DOCK3: variants seen among roughly 807,000 people sequenced by gnomAD.
DOCK3 encodes dedicator of cytokinesis 3, also known as dedicator of cytokinesis protein 3.
In DOCK3, 60 loss-of-function variants were observed where a neutral mutation model predicts 265.6. The observed-to-expected ratio is 0.23, with a 90% confidence interval of 0.18 to 0.28. DOCK3 has a LOEUF of 0.28. Among genes scored for constraint, DOCK3 ranks in the 10% least tolerant of loss-of-function variants. DOCK3 has a pLI of 1.00. For synonymous variants in DOCK3, 881 were observed against 938.0 expected (o/e 0.94, Z 1.11); for missense variants, 1,981 against 2,594.3 (o/e 0.76, Z 5.14).
rs182737860 is a variant in DOCK3 at position 50,962,016 on chromosome 3, A to G, written c.315+27939A>G. Among the ~76,000 whole-genome samples the G allele has an allele frequency of 3.8e-3, 573 of 151,188 alleles. 5 individuals are homozygous for G. In the Middle Eastern group the frequency reaches 0.038, roughly 10 times the overall value. On this transcript the variant is annotated intron_variant, in intron 5 of 52. Coordinates refer to ENST00000266037, the MANE Select transcript of DOCK3 (RefSeq NM_004947.5). The stretch of plus-strand genomic sequence containing the variant: ...ATGAACCACTTTTTTTTTTTAATAT[A>G]TATGCTTTAAATTCTGGGATACATG...
chr3:51,083,447 A>G (rs528611502), intron 7 of DOCK3, among the ~76,000 whole-genome samples: 1 of 152,336 alleles, frequency 6.6e-6, no homozygotes, highest in African/African-American at 2.4e-5. Flanking sequence ...AACAGATCCC[A>G]TAGAAAAGAA....
intron 1 of DOCK3, among the ~76,000 whole-genome samples, chr3:50,753,191 G>C (rs1337465336): frequency 6.6e-6 from 1 of 152,120 alleles, no homozygotes; most frequent in East Asian, 1.9e-4. Flanking sequence ...TAACATTTTA[G>C]TTACTTAGTG....
chr3:50,999,690 A>C (rs908949989), intron 5 of DOCK3, among the ~76,000 whole-genome samples: 1 of 151,752 alleles, frequency 6.6e-6, no homozygotes, highest in African/African-American at 2.4e-5. Context: ...CAACATGTGC[A>C]AAAAAAAGGC....
chr3:50,802,352 A>T (rs1444102740), intron 2 of DOCK3, among the ~76,000 whole-genome samples: 1 of 152,096 alleles, frequency 6.6e-6, no homozygotes, highest in Non-Finnish European at 1.5e-5. Flanking sequence ...TATGAGTCCT[A>T]CCAATGAGTT....
intron 4 of DOCK3, among the ~76,000 whole-genome samples, chr3:50,911,724 A>G (rs1321272472): frequency 4.0e-5 from 6 of 148,310 alleles, no homozygotes; most frequent in East Asian, 1.9e-4. Flanking sequence ...GAGAGAGAGA[A>G]AGAAAGAGAG....
At chr3:50,949,298 C>G (rs969875588) in intron 5 of DOCK3, among the ~76,000 whole-genome samples, 1 of 152,054 alleles carries the variant, frequency 6.6e-6, no homozygotes, top group Non-Finnish European at 1.5e-5. Flanking sequence ...ACTCTTGACT[C>G]TTAGAATTCA....
At chr3:51,207,323 G>A (rs2089273390) in intron 12 of DOCK3, among the ~76,000 whole-genome samples, 1 of 152,124 alleles carries the variant, frequency 6.6e-6, no homozygotes, top group South Asian at 2.1e-4. Context: ...ATACCACCAA[G>A]GTACCAGTGA....
intron 27 of DOCK3, among the ~76,000 whole-genome samples, chr3:51,305,994 C>A (rs985446697): frequency 6.7e-6 from 1 of 150,116 alleles, no homozygotes; most frequent in South Asian, 2.1e-4. Flanking sequence ...TGCACACCAC[C>A]ACACCAGCTA....
intron 3 of DOCK3, among the ~76,000 whole-genome samples, chr3:50,864,903 CCA>C (rs1161582554): frequency 3.3e-5 from 5 of 151,274 alleles, no homozygotes; most frequent in African/African-American, 1.2e-4. Context: ...TTTTTTTTTC[CCA>C]GCAGTAGCTA....
At chr3:50,916,353 G>T (rs1169374272) in intron 4 of DOCK3, among the ~76,000 whole-genome samples, 1 of 151,930 alleles carries the variant, frequency 6.6e-6, no homozygotes, top group Non-Finnish European at 1.5e-5. Flanking sequence ...GTGTAGTGGC[G>T]CAATCTTGGC....
chr3:51,140,097 C>G (rs933117577), intron 9 of DOCK3, among the ~76,000 whole-genome samples: 40 of 152,174 alleles, frequency 2.6e-4, no homozygotes, highest in Admixed American at 7.2e-4. Flanking sequence ...CTGTAACAGC[C>G]TTTTGTAACA....
intron 5 of DOCK3, among the ~76,000 whole-genome samples, chr3:50,980,340 G>A (rs2077643987): frequency 6.6e-6 from 1 of 152,128 alleles, no homozygotes; most frequent in Non-Finnish European, 1.5e-5. Context: ...TTTTTGATGT[G>A]TTGTTGCATA....
At chr3:51,379,601 A>G in intron 51 of DOCK3, 1 of 985,484 alleles carries the variant, frequency 1.0e-6, no homozygotes, top group Non-Finnish European at 1.2e-6. Flanking sequence ...GTCCCCCGAT[A>G]GTCCCTGGTC....
At chr3:51,317,203 C>T (rs112809190) in intron 32 of DOCK3, among the ~76,000 whole-genome samples, 1 of 149,370 alleles carries the variant, frequency 6.7e-6, no homozygotes, top group Non-Finnish European at 1.5e-5. Flanking sequence ...ATTCCAGCAT[C>T]TTTTGTTGAA....
At chr3:50,988,718 G>A (rs1054871384) in intron 5 of DOCK3, among the ~76,000 whole-genome samples, 2 of 152,180 alleles carry the variant, frequency 1.3e-5, no homozygotes, top group Admixed American at 6.5e-5. Flanking sequence ...TCCAGGTACT[G>A]GAAAATCCAA....
intron 3 of DOCK3, among the ~76,000 whole-genome samples, chr3:50,883,135 G>T (rs1035357632): frequency 5.9e-5 from 9 of 152,064 alleles, no homozygotes; most frequent in Non-Finnish European, 1.2e-4. Context: ...GGGAATGGGG[G>T]AGGGATAGCA....
chr3:51,293,654 A>G (rs1413605685), intron 27 of DOCK3, among the ~76,000 whole-genome samples: 1 of 152,224 alleles, frequency 6.6e-6, no homozygotes, highest in African/African-American at 2.4e-5. Context: ...AGTGAAGAAA[A>G]CAATAGAATG....
chr3:50,855,237 G>GATAC (rs1478249123), intron 3 of DOCK3, among the ~76,000 whole-genome samples: 1 of 152,116 alleles, frequency 6.6e-6, no homozygotes, highest in Non-Finnish European at 1.5e-5. Context: ...TCATTTTAAT[G>GATAC]ATACAGATCT....
At chr3:51,270,167 A>G (rs2080422719) in intron 23 of DOCK3, among the ~76,000 whole-genome samples, 1 of 152,236 alleles carries the variant, frequency 6.6e-6, no homozygotes, top group Non-Finnish European at 1.5e-5. Context: ...CTCTAAGCCC[A>G]CGTCAACAGT....
Sources: gnomAD v4.1 joint callset for allele counts (sites outside exome capture counted in the v4.1 genomes callset) on GRCh38, gnomAD v4.1.1 for gene constraint, MANE v1.5 for transcripts, NCBI Gene and HGNC (gene_info 2026-07-23, HGNC 2026-07-21) for gene names.